The following ZNF292 variants were observed in gnomAD, a reference collection of about 807,000 sequenced individuals.
The protein encoded by ZNF292 is 16 zinc-finger domain protein.
ZNF292 carries 26 observed loss-of-function variants against 217.9 expected under a neutral mutation model. That is an observed-to-expected ratio of 0.12 (90% CI 0.09 to 0.17). ZNF292 has a LOEUF of 0.17. Ranked by LOEUF, ZNF292 falls within the 10% of genes least tolerant of loss-of-function variation. ZNF292 has a pLI of 1.00. For synonymous variants in ZNF292, 1,257 were observed against 1,124.1 expected (o/e 1.12, Z -2.37); for missense variants, 2,904 against 3,175.2 (o/e 0.91, Z 2.05).
In ZNF292 at chr6:87,209,104, A is replaced by ACCCCCCC. The variant is rs5878022; in HGVS notation, c.169-6797_169-6791dup. Among the ~76,000 whole-genome samples the ACCCCCCC allele has an allele frequency of 8.7e-5, 12 of 137,294 alleles. 1 individual carries two copies. Among genetic ancestry groups the ACCCCCCC allele is most frequent in the African/African-American group, 1.8e-4 (6 of 33,478 alleles). 90.1% of individuals were successfully genotyped at this position (137,294 alleles called of 152,430 possible). A position where few individuals can be genotyped will look rare whatever the true frequency, so the allele number is the denominator to read the frequency against. On this transcript the variant is annotated intron_variant, in intron 1 of 7. Transcript: ENST00000369577. ...TTATCTCATTTTTAGCCCCACTTTC[A>ACCCCCCC]CCCCCCCCTCCCCATTTTCAGAGGC...
At position 87,260,922 on chromosome 6, in the gene ZNF292, C is replaced by G; in HGVS notation, c.7293C>G (p.Cys2431Trp). ...TTCTTATTGTATTCAAACGGTGTTGCAACTCACAAGTAAAGGAAACGTCTG... is the reference window on the plus strand; with the variant it reads ...TTCTTATTGTATTCAAACGGTGTTGGAACTCACAAGTAAAGGAAACGTCTG... ...RNLLIVFKRC[C>W]NSQVKETSEQ... Residue 2431 changes from cysteine to tryptophan, a missense_variant, in exon 8 of 8, where the codon TGC (cysteine) becomes TGG (tryptophan). Physicochemically the swap from Cys to Trp is radical, Grantham distance 215. Transcript: ENST00000369577. 1 of 1,610,806 alleles carries G rather than the reference C, an allele frequency of 6.2e-7. No individual in the cohort carries two copies. The highest frequency in any genetic ancestry group is 1.1e-5 in the South Asian group (1 of 90,580).
rs143233693 is a variant in ZNF292, at chr6:87,199,957, T to C, written c.169-15946T>C. ...TGTATTGTGTGTGCCAACTGGCCCATGATAGACATACACAGTAGACTGTGG... is the reference window on the plus strand; with the variant it reads ...TGTATTGTGTGTGCCAACTGGCCCACGATAGACATACACAGTAGACTGTGG... On this transcript the variant is annotated intron_variant, in intron 1 of 7. Coordinates refer to ENST00000369577, the MANE Select transcript of ZNF292 (RefSeq NM_015021.3). Among the ~76,000 whole-genome samples, 1,434 of 152,316 alleles carry C rather than the reference T, an allele frequency of 9.4e-3. 18 individuals are homozygous for C. The highest frequency in any genetic ancestry group is 0.032 in the African/African-American group (1,350 of 41,548).
intron 1 of ZNF292, among the ~76,000 whole-genome samples, chr6:87,192,253 A>G (rs1771839585): frequency 6.6e-6 from 1 of 152,192 alleles, no homozygotes; most frequent in African/African-American, 2.4e-5. Context: ...ATTTTGCTGT[A>G]TGTAAGAAGG....
At position 87,256,863 on chromosome 6, in the gene ZNF292, C is replaced by T. The variant is rs373711614; in HGVS notation, c.3234C>T (p.Ser1078=). Residue 1078 remains serine, a synonymous_variant, in exon 8 of 8, where the codon TCC becomes TCT. Transcript: ENST00000369577. ...GTATTGCATTTGTTCCACCGCAGTC[C>T]GACCTAAGTAATTCATTAGGAACTC... ...LESIAFVPPQ[S]DLSNSLGTPS... is the part of the protein sequence containing the mutation. 4.3e-5 allele frequency: 69 copies of T among 1,613,792 alleles called. No individual in the cohort carries two copies. Among genetic ancestry groups the T allele is most frequent in the African/African-American group, 3.9e-4 (29 of 75,004 alleles).
At chr6:87,232,921 G>A (rs557791391) in intron 4 of ZNF292, among the ~76,000 whole-genome samples, 1 of 152,064 alleles carries the variant, frequency 6.6e-6, no homozygotes, top group Non-Finnish European at 1.5e-5. Flanking sequence ...AGCTTTTTGT[G>A]GTTACTCATC....
At chr6:87,245,463 A>G in intron 6 of ZNF292, 40 bp from the exon 7 acceptor site, 1 of 1,415,662 alleles carries the variant, frequency 7.1e-7, no homozygotes, top group Non-Finnish European at 9.4e-7. Context: ...TTATTACCTT[A>G]CTGCTCCAAC....
intron 1 of ZNF292, among the ~76,000 whole-genome samples, chr6:87,185,819 A>T (rs1330933684): frequency 6.6e-6 from 1 of 152,034 alleles, no homozygotes; most frequent in Non-Finnish European, 1.5e-5. Flanking sequence ...TTGCTAATTT[A>T]TTATAAAGGA....
Position 87,260,347 on chromosome 6 carries a change from G to C in ZNF292, c.6718G>C (p.Asp2240His). Residue 2240 changes from aspartate (D) to histidine (H), a missense_variant, in exon 8 of 8, where the codon GAC becomes CAC. Physicochemically the swap from Asp to His is moderately conservative, Grantham distance 81. This residue lies in a region of ZNF292 where 55 missense variants were observed against 99.8 expected (regional missense o/e 0.55). Coordinates refer to ENST00000369577, the MANE Select transcript of ZNF292 (RefSeq NM_015021.3). ...GAACTATGTTGTTCATCTAGAGGCAGACCACGGGATTGGACTAAGGGCAAG... is the reference window on the plus strand; with the variant it reads ...GAACTATGTTGTTCATCTAGAGGCACACCACGGGATTGGACTAAGGGCAAG... ...YLNYVVHLEA[D>H]HGIGLRASKT... 2 of 1,613,362 alleles carry C rather than the reference G, an allele frequency of 1.2e-6. No individual in the cohort carries two copies. The highest frequency in any genetic ancestry group is 8.5e-7 in the Non-Finnish European group (1 of 1,179,490).
At chr6:87,161,963 C>T (rs1248917678) in intron 1 of ZNF292, among the ~76,000 whole-genome samples, 1 of 152,196 alleles carries the variant, frequency 6.6e-6, no homozygotes, top group African/African-American at 2.4e-5. Flanking sequence ...AAAGCATCTT[C>T]TAGCTCATTC....
intron 1 of ZNF292, among the ~76,000 whole-genome samples, chr6:87,176,463 A>G (rs554803211): frequency 6.6e-6 from 1 of 152,276 alleles, no homozygotes; most frequent in Admixed American, 6.5e-5. Context: ...TGAGGGTCTT[A>G]TGACTTACTT....
chr6:87,209,082 T>C (rs1455763822), intron 1 of ZNF292, among the ~76,000 whole-genome samples: 10 of 142,076 alleles, frequency 7.0e-5, no homozygotes, highest in Admixed American at 5.1e-4. Flanking sequence ...CAACCAGTTA[T>C]CTCATTTTTA....
intron 5 of ZNF292, among the ~76,000 whole-genome samples, chr6:87,239,713 G>A (rs1236203359): frequency 1.5e-5 from 2 of 137,284 alleles, no homozygotes; most frequent in East Asian, 2.2e-4. Flanking sequence ...CCTCCCAGAC[G>A]GGGTCGCGGC....
chr6:87,178,049 T>C (rs1771357652), intron 1 of ZNF292, among the ~76,000 whole-genome samples: 1 of 152,158 alleles, frequency 6.6e-6, no homozygotes, highest in South Asian at 2.1e-4. Flanking sequence ...GTGTTTTCTT[T>C]TTTTTATTGA....
At chr6:87,225,851 T>C (rs951864165) in intron 4 of ZNF292, among the ~76,000 whole-genome samples, 1 of 152,188 alleles carries the variant, frequency 6.6e-6, no homozygotes, top group Non-Finnish European at 1.5e-5. Context: ...AAATAGCACA[T>C]AATCAAACCC....
Position 87,252,919 on chromosome 6 carries a change from T to C in ZNF292, c.1021-1731T>C, listed in dbSNP as rs150343667. On this transcript the variant is annotated intron_variant, in intron 7 of 7. Coordinates refer to ENST00000369577, the MANE Select transcript of ZNF292 (RefSeq NM_015021.3). ...GTCATTTTTTATTTTTTTATTATTA[T>C]TTTTAAGAGACAGGGTCTTGCTCTG... Among the ~76,000 whole-genome samples, 279 of 152,176 alleles carry C rather than the reference T, an allele frequency of 1.8e-3. 2 individuals carry two copies. Among genetic ancestry groups the C allele is most frequent in the African/African-American group, 6.5e-3 (269 of 41,506 alleles).
intron 1 of ZNF292, among the ~76,000 whole-genome samples, chr6:87,169,185 G>A (rs569983641): frequency 6.6e-6 from 1 of 152,076 alleles, no homozygotes; most frequent in African/African-American, 2.4e-5. Flanking sequence ...TGCAATTACA[G>A]GTGCGCCACC....
At chr6:87,227,956 A>T (rs192254533) in intron 4 of ZNF292, among the ~76,000 whole-genome samples, 1 of 152,174 alleles carries the variant, frequency 6.6e-6, no homozygotes, top group Admixed American at 6.5e-5. Flanking sequence ...TCTGGGTATA[A>T]CCAGAAGTGG....
intron 1 of ZNF292, among the ~76,000 whole-genome samples, chr6:87,197,757 A>C (rs1472064132): frequency 8.8e-6 from 1 of 113,524 alleles, no homozygotes; most frequent in Admixed American, 1.0e-4. Context: ...CATTCATTAG[A>C]GCCTGAGTTA....
chr6:87,174,760 T>C (rs1012846089), intron 1 of ZNF292, among the ~76,000 whole-genome samples: 2 of 152,198 alleles, frequency 1.3e-5, no homozygotes, highest in Admixed American at 1.3e-4. Context: ...TTTAAATATA[T>C]TTCTCTGGAA....
Sources: allele counts gnomAD v4.1 joint callset (sites outside exome capture counted in the v4.1 genomes callset), GRCh38; gene constraint gnomAD v4.1.1; regional missense constraint gnomAD v4.1.1; transcripts MANE v1.5; gene names NCBI Gene and HGNC (gene_info 2026-07-23, HGNC 2026-07-21).